SYCP2: variants seen among roughly 807,000 people sequenced by gnomAD.
SYCP2 encodes the protein synaptonemal complex lateral element protein.
In SYCP2, 55 loss-of-function variants were observed where a neutral mutation model predicts 211.3. The observed-to-expected ratio is 0.26, with a 90% CI of 0.21 to 0.33. SYCP2 has a LOEUF of 0.33. Ranked by LOEUF, SYCP2 falls within the 10% of genes least tolerant of loss-of-function variation. The pLI, the probability that SYCP2 is intolerant of heterozygous loss-of-function variation, is 1.00. For synonymous variants in SYCP2, 570 were observed against 555.2 expected (o/e 1.03, Z -0.37); for missense variants, 1,731 against 1,752.0 (o/e 0.99, Z 0.21).
chr20:59,895,653 G>T, intron 19 of SYCP2, 56 bp from the exon 20 acceptor site: 1 of 1,578,608 alleles, frequency 6.3e-7, no homozygotes, highest in South Asian at 1.1e-5. Context: ...TGCTATTATT[G>T]AGGTACTTTT....
At chr20:59,915,350 T>TA in intron 9 of SYCP2, 115 bp downstream of exon 9, 1 of 976,088 alleles carries the variant, frequency 1.0e-6, no homozygotes, top group Non-Finnish European at 1.6e-6. Flanking sequence ...TAAATTATAT[T>TA]AAAAAGCTGC....
chr20:59,907,573 A>G, intron 14 of SYCP2, 149 bp from the exon 15 acceptor site: 1 of 587,278 alleles, frequency 1.7e-6, no homozygotes, highest in Non-Finnish European at 3.0e-6. Flanking sequence ...TGCTCCACCA[A>G]TTAACTACAT....
In SYCP2 at chr20:59,896,506, T is replaced by C. The variant is rs764425981; in HGVS notation, c.1427A>G (p.Lys476Arg). ...QLEKTTPSKR[K>R]MSEASMIVSG... ...AACAATCATTGATGCTTCAGACATTTTTCTTTTGCTAGGAGTAGTTTTCTG... is the reference window on the plus strand; with the variant it reads ...AACAATCATTGATGCTTCAGACATTCTTCTTTTGCTAGGAGTAGTTTTCTG... Residue 476 changes from lysine (K) to arginine (R), a missense_variant, in exon 19 of 45, where the codon AAA (lysine) becomes AGA (arginine). Coordinates refer to ENST00000357552, the MANE Select transcript of SYCP2 (RefSeq NM_014258.4). 2.5e-6 allele frequency: 4 copies of C among 1,609,438 alleles called. No individual in the cohort carries two copies. Among genetic ancestry groups the C allele is most frequent in the South Asian group, 1.1e-5 (1 of 90,822 alleles).
chr20:59,921,263 TTCTA>T (rs746228803), intron 4 of SYCP2, 43 bp downstream of exon 4: 5 of 1,525,028 alleles, frequency 3.3e-6, no homozygotes, highest in Non-Finnish European at 4.4e-6. Flanking sequence ...AAAACTAGAG[TTCTA>T]TCTAATAATT....
chr20:59,869,136 G>C (rs41304649), intron 36 of SYCP2, among the ~76,000 whole-genome samples: 2,934 of 151,668 alleles, frequency 0.019, 41 homozygotes, highest in Middle Eastern at 0.041. Flanking sequence ...GCTGTGATGT[G>C]AGCTACTTTT....
Position 59,892,388 on chromosome 20 carries a change from A to C in SYCP2, c.1966T>G (p.Ser656Ala), listed in dbSNP as rs773998047. 2.6e-6 allele frequency: 4 copies of C among 1,564,250 alleles called. No individual in the cohort carries two copies. The South Asian group carries it at 4.7e-5, about 18-fold the overall frequency. The stretch of plus-strand genomic sequence containing the variant: ...GAATTATGATCAGATATTGAAGAGG[A>C]TGATTTTTGTTTAGTAAGTTTTTTA... ...INKKLTKQKS[S>A]SSISDHNSEG... Residue 656 changes from serine (S) to alanine (A), a missense_variant, in exon 24 of 45, where the codon TCC (serine) becomes GCC (alanine). By Grantham distance (99) the Ser-to-Ala change is moderately conservative. Coordinates refer to ENST00000357552, the MANE Select transcript of SYCP2 (RefSeq NM_014258.4).
intron 44 of SYCP2, among the ~76,000 whole-genome samples, chr20:59,864,597 G>C (rs981832219): frequency 1.3e-5 from 2 of 151,868 alleles, no homozygotes; most frequent in African/African-American, 4.8e-5. Flanking sequence ...TTGAGAGAAG[G>C]CTCTAATCTT....
intron 16 of SYCP2, among the ~76,000 whole-genome samples, chr20:59,901,207 GCTTTC>G (rs2060109904): frequency 6.6e-6 from 1 of 151,884 alleles, no homozygotes; most frequent in Non-Finnish European, 1.5e-5. Context: ...TTATCTAAAT[GCTTTC>G]CTTCAACTTC....
chr20:59,900,029 G>A, intron 18 of SYCP2, 109 bp downstream of exon 18: 4 of 1,190,236 alleles, frequency 3.4e-6, no homozygotes, highest in Non-Finnish European at 4.9e-6. Flanking sequence ...AAATGTGATT[G>A]ATCAAGGCCA....
At position 59,866,412 on chromosome 20, in the gene SYCP2, AGATT is replaced by A. The variant is rs746164744; in HGVS notation, c.4221-24_4221-21del. On this transcript the variant is annotated intron_variant, in intron 40 of 44. Transcript: ENST00000357552. ...TTAATCCTATTACAGAAACAAAATGAGATTAATTTTAAAAACTGTAGCATTCAGA... is the reference window on the plus strand; with the variant it reads ...TTAATCCTATTACAGAAACAAAATGAAATTTTAAAAACTGTAGCATTCAGA... 6.3e-5 allele frequency: 98 copies of A among 1,560,434 alleles called. No individual in the cohort carries two copies. The highest frequency in any genetic ancestry group is 8.5e-5 in the Non-Finnish European group (97 of 1,145,562).
intron 37 of SYCP2, 117 bp downstream of exon 37, chr20:59,868,718 T>A: frequency 7.9e-7 from 1 of 1,260,406 alleles, no homozygotes; most frequent in Non-Finnish European, 1.1e-6. Flanking sequence ...CCTAGTTTAT[T>A]TTCTTTTTAC....
intron 31 of SYCP2, among the ~76,000 whole-genome samples, chr20:59,879,817 A>C (rs936388589): frequency 1.4e-3 from 40 of 28,648 alleles, no homozygotes; most frequent in Non-Finnish European, 1.8e-3. Context: ...TAGTAAATAT[A>C]AATAAATATA....
At chr20:59,926,409 G>C (rs2060635292) in intron 2 of SYCP2, among the ~76,000 whole-genome samples, 1 of 151,992 alleles carries the variant, frequency 6.6e-6, no homozygotes, top group Admixed American at 6.6e-5. Context: ...TCTTTGACTT[G>C]TGGCAGTATA....
intron 1 of SYCP2, among the ~76,000 whole-genome samples, 196 bp from the exon 2 acceptor site, chr20:59,932,350 G>A (rs538498203): frequency 2.0e-5 from 3 of 152,156 alleles, no homozygotes; most frequent in South Asian, 2.1e-4. Flanking sequence ...TGAATGAAGG[G>A]GAGGGAAGGC....
intron 13 of SYCP2, 175 bp from the exon 14 acceptor site, chr20:59,912,020 T>G (rs1312802438): frequency 6.9e-6 from 3 of 437,708 alleles, no homozygotes; most frequent in African/African-American, 6.1e-5. Flanking sequence ...AAATGCTACT[T>G]TAATATTTTA....
intron 28 of SYCP2, 45 bp from the exon 29 acceptor site, chr20:59,881,537 T>C (rs1042465098): frequency 1.1e-6 from 1 of 927,046 alleles, no homozygotes; most frequent in Non-Finnish European, 1.6e-6. Flanking sequence ...AGTGTCAAAA[T>C]AAAAAAGATT....
intron 18 of SYCP2, among the ~76,000 whole-genome samples, chr20:59,899,510 A>C (rs1319781872): frequency 1.3e-5 from 2 of 152,226 alleles, no homozygotes; most frequent in Admixed American, 6.5e-5. Context: ...AGATGTTCCA[A>C]AAGCTGGATA....
chr20:59,924,476 G>C (rs1052106250), intron 2 of SYCP2, among the ~76,000 whole-genome samples: 2 of 151,862 alleles, frequency 1.3e-5, no homozygotes, highest in Non-Finnish European at 2.9e-5. Context: ...CAATTAAAAG[G>C]CAGATTGTCC....
At chr20:59,878,129 T>A in intron 31 of SYCP2, 84 bp from the exon 32 acceptor site, 1 of 922,334 alleles carries the variant, frequency 1.1e-6, no homozygotes, top group Non-Finnish European at 1.7e-6. Context: ...TCAGCATATT[T>A]AAATTAAAAT....
Sources: allele counts gnomAD v4.1 joint callset (sites outside exome capture counted in the v4.1 genomes callset), GRCh38; gene constraint gnomAD v4.1.1; transcripts MANE v1.5; gene names NCBI Gene and HGNC (gene_info 2026-07-23, HGNC 2026-07-21).